Variants in CARD14 observed in about 807,000 individuals in gnomAD.
CARD14 encodes the protein caspase recruitment domain family member 14.
Under a neutral mutation model 111.5 loss-of-function variants are expected in CARD14, and 107 were observed. The observed-to-expected ratio is 0.96, with a 90% CI of 0.82 to 1.13. CARD14 has a LOEUF of 1.13. Among genes scored for constraint, CARD14 ranks in the 50% most tolerant of loss-of-function variants. CARD14 has a pLI of 0.00. For synonymous variants in CARD14, 617 were observed against 579.6 expected (o/e 1.06, Z -0.93); for missense variants, 1,322 against 1,362.3 (o/e 0.97, Z 0.47).
chr17:80,181,101 A>C (rs2040159202), intron 4 of CARD14, among the ~76,000 whole-genome samples: 1 of 152,130 alleles, frequency 6.6e-6, no homozygotes, highest in East Asian at 1.9e-4. Flanking sequence ...AAAAAAAAAA[A>C]AAGTATTTAT....
chr17:80,198,113 G>C lies in CARD14; in HGVS notation c.1609G>C (p.Glu537Gln). ...LLDTADLPQL[E>Q]SSLQPVSPGR... ...CTTCCTCCCAGACCTTCCGCAGCTGGAAAGCAGCCTGCAGCCAGTCTCCCC... is the reference window on the plus strand; with the variant it reads ...CTTCCTCCCAGACCTTCCGCAGCTGCAAAGCAGCCTGCAGCCAGTCTCCCC... Residue 537 changes from glutamate to glutamine, a missense_variant, in exon 15 of 24, where the codon GAA becomes CAA. By Grantham distance (29) the Glu-to-Gln change is conservative. Coordinates refer to ENST00000648509, the MANE Select transcript of CARD14 (RefSeq NM_001366385.1). This position sits in a 1 kb window ranked among gnomAD's most constrained non-coding sequence, Gnocchi z 7.5. 1 of 1,613,644 alleles carries C rather than the reference G, an allele frequency of 6.2e-7. No individual in the cohort carries two copies. Among genetic ancestry groups the C allele is most frequent in the Non-Finnish European group, 8.5e-7 (1 of 1,179,992 alleles).
chr17:80,184,169 G>A lies in CARD14; in HGVS notation c.606G>A (p.Ser202=), dbSNP rs763777809. ...TGAAGGACGAGATGCTCAGCCTCTC[G>A]CTGCACTATAGCAATGCGCTGCAGG... ...LRLKDEMLSL[S]LHYSNALQEK... The change falls in exon 7 of 24, where the codon TCG becomes TCA. Residue 202 remains serine, a synonymous_variant. Transcript: ENST00000648509. 19 of 1,563,650 alleles carry A rather than the reference G, an allele frequency of 1.2e-5. No homozygotes were observed. Among genetic ancestry groups the A allele is most frequent in the African/African-American group, 2.7e-5 (2 of 73,864 alleles).
At position 80,209,251 on chromosome 17, in the gene CARD14, G is replaced by C. The variant is rs1012970181; in HGVS notation, c.*906G>C. 4.4e-6 allele frequency: 4 copies of C among 907,248 alleles called. No homozygotes were observed. In the African/African-American group the frequency reaches 7.2e-5, roughly 16 times the overall value. 56.2% of individuals were successfully genotyped at this position (907,248 alleles called of 1,614,324 possible). On this transcript the variant is annotated 3_prime_UTR_variant, in exon 24 of 24. Transcript: ENST00000648509. ...GTCCAAGAATCAGGAAGCTGTTCTA[G>C]AATTCAGGTTGGTATCATCATAAAT...
rs1200026764 is a variant in CARD14, at chr17:80,188,765, C to G, written c.843+221C>G. On this transcript the variant is annotated intron_variant, in intron 8 of 23. Transcript: ENST00000648509. This position sits in a 1 kb window ranked among gnomAD's most constrained non-coding sequence, Gnocchi z 4.5. ...AAAGCTGCTGGAACAGAATTAAAAG[C>G]TGGAACTGGGCACAGTGGCTCATTC... 5.3e-6 allele frequency: 2 copies of G among 377,190 alleles called. No homozygotes were observed. Among genetic ancestry groups the G allele is most frequent in the Non-Finnish European group, 9.0e-6 (2 of 221,564 alleles). 23.4% of individuals were successfully genotyped at this position (377,190 alleles called of 1,614,324 possible). A position where few individuals can be genotyped will look rare whatever the true frequency, so the allele number is the denominator to read the frequency against.
chr17:80,199,902 G>A (rs2144377714), intron 16 of CARD14, among the ~76,000 whole-genome samples: 1 of 152,006 alleles, frequency 6.6e-6, no homozygotes, highest in African/African-American at 2.4e-5. Flanking sequence ...AAAGAAAAAG[G>A]AAAGCACAGT....
chr17:80,205,817 G>C, intron 22 of CARD14, 165 bp downstream of exon 22: 1 of 614,662 alleles, frequency 1.6e-6, no homozygotes, highest in Non-Finnish European at 2.7e-6. Context: ...ACTCATCTCA[G>C]CCAGTTAGGA....
chr17:80,195,741 G>A lies in CARD14; in HGVS notation c.1594+89G>A. ...ATGAGAAAGCCGGGGCCTCTCTCCA[G>A]GGAAAGGGCAGATAGAAGCAGAGCT... is the stretch of plus-strand genomic sequence containing the variant. On this transcript the variant is annotated intron_variant, in intron 14 of 23. Transcript: ENST00000648509. The surrounding 1 kb of genome is among the most constrained non-coding windows in gnomAD (Gnocchi z 4.7). 2 of 1,090,020 alleles carry A rather than the reference G, an allele frequency of 1.8e-6. No homozygotes were observed. Among genetic ancestry groups the A allele is most frequent in the Admixed American group, 2.4e-5 (1 of 42,178 alleles). The allele number at this position is 1,090,020 out of a possible 1,614,324, so 67.5% of individuals were successfully genotyped here.
intron 16 of CARD14, among the ~76,000 whole-genome samples, chr17:80,199,624 A>G (rs1021928994): frequency 4.0e-5 from 6 of 149,730 alleles, no homozygotes; most frequent in Admixed American, 6.7e-5. Flanking sequence ...TATGCCTGTA[A>G]TCCCAGCACT....
rs976327445 is a variant in CARD14, at chr17:80,187,668, C to T, written c.676-709C>T. The T allele has an allele frequency of 1.3e-5, 10 of 775,384 alleles. No homozygotes were observed. The Admixed American group carries it at 1.9e-4, about 15-fold the overall frequency. The allele number at this position is 775,384 out of a possible 1,614,324, so 48.0% of individuals were successfully genotyped here. A position where few individuals can be genotyped will look rare whatever the true frequency, so the allele number is the denominator to read the frequency against. The stretch of plus-strand genomic sequence containing the variant: ...TTGGCCACAGCCCAGGGGTGAGCAC[C>T]GGCACCCACCCCGACGTGCAGACTT... On this transcript the variant is annotated intron_variant, in intron 7 of 23. Transcript: ENST00000648509.
At chr17:80,175,731 G>A (rs1475888647) in intron 2 of CARD14, among the ~76,000 whole-genome samples, 1 of 152,132 alleles carries the variant, frequency 6.6e-6, no homozygotes, top group African/African-American at 2.4e-5. Flanking sequence ...TGAACAGGCA[G>A]GGCCTGGCTG....
chr17:80,195,609 G>A lies in CARD14; in HGVS notation c.1551G>A (p.Lys517=). 2 of 1,613,478 alleles carry A rather than the reference G, an allele frequency of 1.2e-6. No homozygotes were observed. Among genetic ancestry groups the A allele is most frequent in the Non-Finnish European group, 1.7e-6 (2 of 1,179,934 alleles). The change falls in exon 14 of 24, where the codon AAG becomes AAA. Residue 517 remains lysine (K), a synonymous_variant. Coordinates refer to ENST00000648509, the MANE Select transcript of CARD14 (RefSeq NM_001366385.1). This position sits in a 1 kb window ranked among gnomAD's most constrained non-coding sequence, Gnocchi z 4.7. ...EGDPGALPGA[K]AGDPHLDYEL... is the part of the protein sequence containing the mutation. Reference sequence around the variant, plus strand: ...ACCCGGGAGCCCTGCCGGGAGCTAAGGCAGGCGACCCACACCTGGATTATG... The same window carrying A: ...ACCCGGGAGCCCTGCCGGGAGCTAAAGCAGGCGACCCACACCTGGATTATG...
intron 9 of CARD14, 32 bp from the exon 10 acceptor site, chr17:80,190,742 G>A (rs184751347): frequency 1.2e-4 from 192 of 1,612,452 alleles, no homozygotes; most frequent in Admixed American, 4.3e-4. Flanking sequence ...GAGCTGCTGA[G>A]CTTCACGGTC....
At chr17:80,175,022 C>T (rs1331175554) in intron 2 of CARD14, among the ~76,000 whole-genome samples, 2 of 151,866 alleles carry the variant, frequency 1.3e-5, no homozygotes, top group Non-Finnish European at 2.9e-5. Flanking sequence ...GTCATCCAGG[C>T]TGGAGTGCAG....
At position 80,198,022 on chromosome 17, in the gene CARD14, TGAGGTTACAG is replaced by T. The variant is rs369165118; in HGVS notation, c.1595-64_1595-55del. On this transcript the variant is annotated intron_variant, in intron 14 of 23. Transcript: ENST00000648509. The surrounding 1 kb of genome is among the most constrained non-coding windows in gnomAD (Gnocchi z 7.5). ...TGACCAAGATCTGTGAAGAAGGGGCTGAGGTTACAGGAGGTTACAGGACGCCCCATCAGCA... is the reference window on the plus strand; with the variant it reads ...TGACCAAGATCTGTGAAGAAGGGGCTGAGGTTACAGGACGCCCCATCAGCA... The T allele has an allele frequency of 3.8e-5, 55 of 1,431,718 alleles. No homozygotes were observed. The Middle Eastern group carries it at 6.5e-4, about 17-fold the overall frequency. 88.7% of individuals were successfully genotyped at this position (1,431,718 alleles called of 1,614,324 possible).
At position 80,208,452 on chromosome 17, in the gene CARD14, T is replaced by C; in HGVS notation, c.*107T>C. ...GCACAGCTGTGGGCTCCTTGGCACA[T>C]GAGGCCGGCTCTCCCCACTGGCTGG... On this transcript the variant is annotated 3_prime_UTR_variant, in exon 24 of 24. Transcript: ENST00000648509. 2.8e-6 allele frequency: 3 copies of C among 1,054,774 alleles called. No individual in the cohort carries two copies. Among genetic ancestry groups the C allele is most frequent in the East Asian group, 2.6e-5 (1 of 37,786 alleles). 65.3% of individuals were successfully genotyped at this position (1,054,774 alleles called of 1,614,324 possible).
chr17:80,173,876 C>T lies in CARD14; in HGVS notation c.-367+648C>T, dbSNP rs562220929. Among the ~76,000 whole-genome samples, 21 of 152,106 alleles carry T rather than the reference C, an allele frequency of 1.4e-4. No individual in the cohort carries two copies. The South Asian group carries it at 4.2e-3, about 30-fold the overall frequency. ...CCTCCCAAAGTGCTGGGATTACAGG[C>T]GTGAACCATCGCGCCCAGCCAAAAA... On this transcript the variant is annotated intron_variant, in intron 2 of 23. Coordinates refer to ENST00000648509, the MANE Select transcript of CARD14 (RefSeq NM_001366385.1).
Position 80,190,841 on chromosome 17 carries a change from G to C in CARD14, c.1031G>C (p.Arg344Thr). 6.2e-7 allele frequency: 1 copy of C among 1,614,150 alleles called. No individual in the cohort carries two copies. The highest frequency in any genetic ancestry group is 2.2e-5 in the East Asian group (1 of 44,866). ...AGTAAGATGGCCTGCCAACTCTACA[G>C]GGAGAAGGTGAATGCGCTGCAGGCC... Reference protein sequence around the residue: ...QKSKMACQLYREKVNALQAQV... With the variant: ...QKSKMACQLYTEKVNALQAQV... The change falls in exon 10 of 24, where the codon AGG becomes ACG. Residue 344 changes from arginine to threonine, a missense_variant. Coordinates refer to ENST00000648509, the MANE Select transcript of CARD14 (RefSeq NM_001366385.1).
rs2041172738 is a variant in CARD14 at position 80,204,565 on chromosome 17, A to G, written c.2398+224A>G. On this transcript the variant is annotated intron_variant, in intron 20 of 23. Transcript: ENST00000648509. ...CCTGAACCCGGGAGGCAGAGGTGGC[A>G]GTGAGCCGAGATGGTGCCATTGCAC... 2.4e-5 allele frequency: 11 copies of G among 450,842 alleles called. No homozygotes were observed. In the South Asian group the frequency reaches 3.3e-4, roughly 14 times the overall value. 27.9% of individuals were successfully genotyped at this position (450,842 alleles called of 1,614,324 possible).
In CARD14 at chr17:80,182,691, G is replaced by C. The variant is rs193262780; in HGVS notation, c.250G>C (p.Gly84Arg). ...LDLLKTRGKNGAIAFLESLKF... is the reference protein window; with the variant it reads ...LDLLKTRGKNRAIAFLESLKF... ...TTTGCTGAAGACTCGAGGGAAGAAC[G>C]GGGCCATCGCCTTCCTGGAGAGCCT... The change falls in exon 6 of 24, where the codon GGG (glycine) becomes CGG (arginine). Residue 84 changes from glycine to arginine, a missense_variant. Physicochemically the swap from Gly to Arg is moderately radical, Grantham distance 125. Transcript: ENST00000648509. The surrounding 1 kb of genome is among the most constrained non-coding windows in gnomAD (Gnocchi z 4.7). 2 of 1,614,118 alleles carry C rather than the reference G, an allele frequency of 1.2e-6. No individual in the cohort carries two copies. The highest frequency in any genetic ancestry group is 2.2e-5 in the East Asian group (1 of 44,874).
Sources: gnomAD v4.1 joint callset for allele counts (sites outside exome capture counted in the v4.1 genomes callset) on GRCh38, gnomAD v4.1.1 for gene constraint, Gnocchi (gnomAD v3.1) non-coding constraint, MANE v1.5 for transcripts, NCBI Gene and HGNC (gene_info 2026-07-23, HGNC 2026-07-21) for gene names.